The following WDR37 variants were observed in gnomAD, a reference collection of about 807,000 sequenced individuals.
WDR37 encodes the protein WD repeat domain 37.
Under a neutral mutation model 62.9 loss-of-function variants are expected in WDR37, and 19 were observed. That is an observed-to-expected ratio of 0.30 (90% confidence interval 0.21 to 0.44). WDR37 has a LOEUF of 0.44. WDR37 is among the 20% of genes least tolerant of loss of function. WDR37 has a pLI of 1.00. For synonymous variants in WDR37, 250 were observed against 260.9 expected, an observed-to-expected ratio of 0.96 and a Z score of 0.40; for missense variants, 474 against 657.6, an observed-to-expected ratio of 0.72 and a Z score of 3.05.
intron 13 of WDR37, among the ~76,000 whole-genome samples, chr10:1,127,459 C>T (rs945213837): frequency 6.6e-6 from 1 of 150,564 alleles, no homozygotes; most frequent in Non-Finnish European, 1.5e-5. Flanking sequence ...TGCTGGAAAT[C>T]ACTGACTTAT....
chr10:1,102,472 G>A (rs1327336965), intron 9 of WDR37, among the ~76,000 whole-genome samples: 5 of 152,194 alleles, frequency 3.3e-5, no homozygotes, highest in African/African-American at 4.8e-5. Context: ...TACAGGAAGC[G>A]TGGCACCAGC....
chr10:1,075,854 A>G (rs1356569290), intron 2 of WDR37, among the ~76,000 whole-genome samples: 2 of 148,820 alleles, frequency 1.3e-5, no homozygotes, highest in Non-Finnish European at 3.0e-5. Flanking sequence ...ATCTTGGCTC[A>G]CTGCAACCTC....
rs1835923109 is a variant in WDR37 at position 1,130,241 on chromosome 10, A to G, written c.*897A>G. ...GCTCACTCCCGTGGTGGTGTTTGAG[A>G]GCCAACAACACTACCTCAGAGACGG... On this transcript the variant is annotated 3_prime_UTR_variant, in exon 14 of 14. Transcript: ENST00000263150. 6.6e-6 allele frequency: 1 copy of G among 152,592 alleles called. No homozygotes were observed. Among genetic ancestry groups the G allele is most frequent in the Non-Finnish European group, 1.5e-5 (1 of 68,034 alleles). 9.5% of individuals were successfully genotyped at this position (152,592 alleles called of 1,614,324 possible). A position where few individuals can be genotyped will look rare whatever the true frequency, so the allele number is the denominator to read the frequency against.
rs958817837 is a variant in WDR37, at chr10:1,069,387, ATATTTTTT to A, written c.-40-2727_-40-2720del. 7.9e-4 allele frequency among the ~76,000 whole-genome samples: 24 copies of A among 30,438 alleles called. 1 individual carries two copies. The South Asian group carries it at 9.3e-3, about 12-fold the overall frequency. The allele number at this position is 30,438 out of a possible 152,430, so 20.0% of individuals were successfully genotyped here. Reference sequence around the variant, plus strand: ...TTGGAAAGAATATATATATATATATATATTTTTTTTTTTTTTTTTTGCAGCAGGTGAAT... The same window carrying A: ...TTGGAAAGAATATATATATATATATATTTTTTTTTTTTGCAGCAGGTGAAT... On this transcript the variant is annotated intron_variant, in intron 1 of 13. Transcript: ENST00000263150.
At chr10:1,083,855 C>T (rs935452799) in intron 5 of WDR37, among the ~76,000 whole-genome samples, 6 of 152,204 alleles carry the variant, frequency 3.9e-5, no homozygotes, top group African/African-American at 7.2e-5. Flanking sequence ...TCGGGCAAAC[C>T]GGCACACCTA....
chr10:1,059,234 G>A (rs1288848554), intron 1 of WDR37, among the ~76,000 whole-genome samples: 1 of 152,108 alleles, frequency 6.6e-6, no homozygotes, highest in Non-Finnish European at 1.5e-5. Context: ...AAATCAGCTG[G>A]GCATGGTGGC....
intron 11 of WDR37, among the ~76,000 whole-genome samples, chr10:1,106,540 G>A (rs57552534): frequency 0.078 from 11,933 of 152,140 alleles, 826 homozygotes; most frequent in African/African-American, 0.19. Context: ...GTTAATAGAC[G>A]GAGTCTCTTT....
intron 8 of WDR37, among the ~76,000 whole-genome samples, chr10:1,095,805 G>A (rs1834557028): frequency 6.6e-6 from 1 of 152,168 alleles, no homozygotes; most frequent in African/African-American, 2.4e-5. Context: ...TCGCTTTCCC[G>A]AACGTCTCAG....
chr10:1,096,290 C>G lies in WDR37; in HGVS notation c.726+44C>G, dbSNP rs555427016. On this transcript the variant is annotated intron_variant, in intron 9 of 13. Coordinates refer to ENST00000263150, the MANE Select transcript of WDR37 (RefSeq NM_014023.4). ...CTGTGAATGTGTAGGATGCTGATGT[C>G]TGCGAATCTGAGAATCCATTTATGA... is the stretch of plus-strand genomic sequence containing the variant. The G allele has an allele frequency of 1.1e-5, 17 of 1,586,508 alleles. No homozygotes were observed. The East Asian group carries it at 3.6e-4, about 33-fold the overall frequency.
chr10:1,122,920 C>G (rs554809149), intron 11 of WDR37, among the ~76,000 whole-genome samples: 1 of 152,210 alleles, frequency 6.6e-6, no homozygotes, highest in Non-Finnish European at 1.5e-5. Flanking sequence ...GATTTTACCA[C>G]GGGTAAGACT....
chr10:1,128,863 C>T (rs1196051857), intron 13 of WDR37, among the ~76,000 whole-genome samples: 18 of 148,686 alleles, frequency 1.2e-4, no homozygotes, highest in East Asian at 7.9e-4. Context: ...GGTCCATGCT[C>T]GGCGGTCCAT....
chr10:1,059,660 TG>T (rs1833310636), intron 1 of WDR37, among the ~76,000 whole-genome samples: 1 of 151,546 alleles, frequency 6.6e-6, no homozygotes, highest in Admixed American at 6.6e-5. Flanking sequence ...TAGCCAGGCG[TG>T]GTGGTGGGTG....
intron 1 of WDR37, among the ~76,000 whole-genome samples, chr10:1,071,057 A>G (rs56385713): frequency 0.027 from 4,188 of 152,320 alleles, 99 homozygotes; most frequent in Non-Finnish European, 0.046. Context: ...GTAACTGTCT[A>G]CTTGGAATTT....
At chr10:1,063,779 G>A (rs981225359) in intron 1 of WDR37, among the ~76,000 whole-genome samples, 17 of 152,292 alleles carry the variant, frequency 1.1e-4, no homozygotes, top group African/African-American at 4.1e-4. Context: ...GTGGAAGTTC[G>A]GCAGGAGGCT....
At chr10:1,084,330 C>G (rs1196792993) in intron 5 of WDR37, 73 bp from the exon 6 acceptor site, 2 of 1,553,692 alleles carry the variant, frequency 1.3e-6, no homozygotes, top group Non-Finnish European at 1.8e-6. Context: ...ACGTCTTTTT[C>G]GTTTTCTCTT....
chr10:1,125,173 T>C (rs1430968746), intron 13 of WDR37, 149 bp downstream of exon 13: 20 of 1,372,070 alleles, frequency 1.5e-5, no homozygotes, highest in Non-Finnish European at 1.8e-5. Flanking sequence ...AAATTTAAAA[T>C]TGAAGAAGTA....
intron 1 of WDR37, among the ~76,000 whole-genome samples, chr10:1,065,828 A>G (rs1353721214): frequency 6.6e-6 from 1 of 152,200 alleles, no homozygotes; most frequent in African/African-American, 2.4e-5. Flanking sequence ...ATTTCTAGCC[A>G]AATCAATAAG....
In WDR37 at chr10:1,105,341, T is replaced by G; in HGVS notation, c.1103+74T>G. On this transcript the variant is annotated intron_variant, in intron 11 of 13. Coordinates refer to ENST00000263150, the MANE Select transcript of WDR37 (RefSeq NM_014023.4). The surrounding 1 kb of genome is among the most constrained non-coding windows in gnomAD (Gnocchi z 5.3). ...GTGGGTTGACATGAAAACTTAATTC[T>G]AGCCTTAATTTTCAGTATTTCCGAC... 3.3e-6 allele frequency: 5 copies of G among 1,512,842 alleles called. No homozygotes were observed. Among genetic ancestry groups the G allele is most frequent in the Non-Finnish European group, 4.5e-6 (5 of 1,113,694 alleles). 93.7% of individuals were successfully genotyped at this position (1,512,842 alleles called of 1,614,324 possible). A position where few individuals can be genotyped will look rare whatever the true frequency, so the allele number is the denominator to read the frequency against.
intron 11 of WDR37, among the ~76,000 whole-genome samples, chr10:1,122,508 C>T (rs6560710): frequency 0.97 from 147,440 of 152,314 alleles, 71,580 homozygotes; most frequent in East Asian, 1. Context: ...TCATGCCCAG[C>T]TGCATGGCGA....
Sources: gnomAD v4.1 joint callset for allele counts (sites outside exome capture counted in the v4.1 genomes callset) on GRCh38, gnomAD v4.1.1 for gene constraint, Gnocchi (gnomAD v3.1) non-coding constraint, MANE v1.5 for transcripts, NCBI Gene and HGNC (gene_info 2026-07-23, HGNC 2026-07-21) for gene names.